Variants in EIF4G2 observed in about 807,000 individuals in gnomAD.
The protein encoded by EIF4G2 is eukaryotic translation initiation factor 4 gamma 2, also known as DAP-5.
EIF4G2 carries 8 observed loss-of-function variants against 117.7 expected under a neutral mutation model. That is an observed-to-expected ratio of 0.07 (90% confidence interval 0.04 to 0.12). EIF4G2 has a LOEUF of 0.12. EIF4G2 is among the 10% of genes least tolerant of loss of function. The probability of loss-of-function intolerance (pLI) is 1.00; values close to 1 mark genes in which losing one functional copy is unlikely to be tolerated. For missense variants in EIF4G2, 812 were observed against 1,086.2 expected (o/e 0.75, Z 3.55); for synonymous variants, 413 against 367.8 (o/e 1.12, Z -1.41).
intron 4 of EIF4G2, among the ~76,000 whole-genome samples, chr11:10,805,528 G>C (rs1479347174): frequency 1.3e-5 from 2 of 151,726 alleles, no homozygotes; most frequent in Non-Finnish European, 2.9e-5. Context: ...TCGGCTCACT[G>C]CAACCTCCAC....
chr11:10,801,848 A>G, intron 13 of EIF4G2, 74 bp from the exon 14 acceptor site: 1 of 1,410,762 alleles, frequency 7.1e-7, no homozygotes, highest in South Asian at 1.2e-5. Flanking sequence ...TACCAAAGGG[A>G]TGAGCCAAGC....
At position 10,799,322 on chromosome 11, in the gene EIF4G2, T is replaced by C. The variant is rs1162829013; in HGVS notation, c.2427A>G (p.Leu809=). 1.2e-6 allele frequency: 2 copies of C among 1,613,862 alleles called. No individual in the cohort carries two copies. The highest frequency in any genetic ancestry group is 1.1e-5 in the South Asian group (1 of 91,092). Residue 809 remains leucine, a synonymous_variant, in exon 20 of 22, where the codon CTA becomes CTG. Coordinates refer to ENST00000339995, the MANE Select transcript of EIF4G2 (RefSeq NM_001418.4). ...TCTGCATTACTGGCTTGAAAGATAG[T>C]AGTAGTTGTTTTTCCTGCTCTAACT...
Position 10,808,707 on chromosome 11 carries a change from TCACCGAGAACTCAGCAGCTGC to T in EIF4G2, c.-110_-90del. 5.3e-6 allele frequency: 1 copy of T among 189,306 alleles called. No homozygotes were observed. The highest frequency in any genetic ancestry group is 6.3e-5 in the South Asian group (1 of 15,920). 11.7% of individuals were successfully genotyped at this position (189,306 alleles called of 1,614,324 possible). On this transcript the variant is annotated 5_prime_UTR_variant, in exon 1 of 22. Transcript: ENST00000339995. ...GCGGCGGCAGCGGCTCAACTCACCTTCACCGAGAACTCAGCAGCTGCCACCGCAGCTGCCTCCTCAGGATCC... is the reference window on the plus strand; with the variant it reads ...GCGGCGGCAGCGGCTCAACTCACCTTCACCGCAGCTGCCTCCTCAGGATCC...
chr11:10,798,215 T>C (rs1490287139), intron 21 of EIF4G2, among the ~76,000 whole-genome samples: 7 of 152,190 alleles, frequency 4.6e-5, no homozygotes, highest in Non-Finnish European at 4.4e-5. Context: ...ACCACAGACC[T>C]ACTAAACCAG....
At chr11:10,807,827 G>A (rs1847629073) in intron 1 of EIF4G2, 2 of 991,086 alleles carry the variant, frequency 2.0e-6, no homozygotes, top group African/African-American at 1.7e-5. Context: ...CCTCCTCCCC[G>A]TGGAGAGCTC....
At chr11:10,801,261 G>C in intron 14 of EIF4G2, 174 bp from the exon 15 acceptor site, 1 of 759,366 alleles carries the variant, frequency 1.3e-6, no homozygotes, top group South Asian at 1.9e-5. Flanking sequence ...AAAATTTAAA[G>C]ATCTGATGCA....
intron 16 of EIF4G2, 34 bp downstream of exon 16, chr11:10,800,697 C>T (rs1446107571): frequency 1.2e-6 from 2 of 1,613,730 alleles, no homozygotes; most frequent in Admixed American, 1.7e-5. Flanking sequence ...CAAATACAGG[C>T]TAATTACACT....
At chr11:10,798,838 A>G (rs1847338198) in intron 21 of EIF4G2, 154 bp downstream of exon 21, 1 of 915,228 alleles carries the variant, frequency 1.1e-6, no homozygotes, top group Admixed American at 2.5e-5. Flanking sequence ...TTACTTAATA[A>G]TAGCTTCAAA....
intron 3 of EIF4G2, 58 bp downstream of exon 3, chr11:10,806,762 G>T: frequency 6.3e-7 from 1 of 1,582,920 alleles, no homozygotes; most frequent in Non-Finnish European, 8.7e-7. Flanking sequence ...ACCGTCACAT[G>T]GGAAAGACTT....
At chr11:10,798,088 G>A (rs910170291) in intron 21 of EIF4G2, among the ~76,000 whole-genome samples, 3 of 152,184 alleles carry the variant, frequency 2.0e-5, no homozygotes, top group Admixed American at 6.5e-5. Flanking sequence ...GATGATCCTC[G>A]TGAATCTTGT....
chr11:10,808,602 G>A lies in EIF4G2; in HGVS notation c.-87+103C>T, dbSNP rs543488434. 6 of 752,270 alleles carry A rather than the reference G, an allele frequency of 8.0e-6. No homozygotes were observed. The African/African-American group carries it at 1.2e-4, about 15-fold the overall frequency. 46.6% of individuals were successfully genotyped at this position (752,270 alleles called of 1,614,324 possible). On this transcript the variant is annotated intron_variant, in intron 1 of 21. Transcript: ENST00000339995. ...ATGCTAAAAAAGGGTCGCCCCACCC[G>A]GCTCCGCCTGCGGCCGCCATTTTGT...
chr11:10,801,475 A>G (rs766586023), intron 14 of EIF4G2, 186 bp downstream of exon 14: 56 of 754,008 alleles, frequency 7.4e-5, no homozygotes, highest in African/African-American at 6.4e-4. Context: ...ACTTGCCCTC[A>G]TATCTCATAA....
Position 10,799,693 on chromosome 11 carries a change from A to C in EIF4G2, c.2183T>G (p.Phe728Cys). The change falls in exon 19 of 22, where the codon TTC (phenylalanine) becomes TGC (cysteine). Residue 728 changes from phenylalanine (F) to cysteine (C), a missense_variant. Around this residue, in one of 4 missense-constraint regions of EIF4G2, gnomAD observed 571 missense variants for 642.3 expected, o/e 0.89. Transcript: ENST00000339995. ...TTCCTTCTCCAATTTGAGGAGTGGG[A>C]ATAAGAAACTCAGTCCCTTTCCTTC... The C allele has an allele frequency of 6.2e-7, 1 of 1,614,134 alleles. No individual in the cohort carries two copies. The highest frequency in any genetic ancestry group is 8.5e-7 in the Non-Finnish European group (1 of 1,180,018).
At chr11:10,801,303 A>T (rs1386699034) in intron 14 of EIF4G2, 2 of 646,628 alleles carry the variant, frequency 3.1e-6, no homozygotes, top group Non-Finnish European at 5.2e-6. Context: ...TAAATCTTAC[A>T]TTCTCTTAGA....
At chr11:10,804,749 TA>T (rs1847514122) in intron 5 of EIF4G2, 163 bp downstream of exon 5, 3 of 641,350 alleles carry the variant, frequency 4.7e-6, no homozygotes, top group Admixed American at 2.9e-5. Context: ...CTAATGCTAC[TA>T]AAGTCAGTGG....
In EIF4G2 at chr11:10,807,383, T is replaced by C. The variant is rs1298794921; in HGVS notation, c.-86-2A>G. 1.9e-6 allele frequency: 3 copies of C among 1,595,292 alleles called. No homozygotes were observed. Among genetic ancestry groups the C allele is most frequent in the Non-Finnish European group, 2.6e-6 (3 of 1,176,060 alleles). On this transcript the variant is annotated splice_acceptor_variant, in intron 1 of 21. Transcript: ENST00000339995. LOFTEE classifies it low-confidence loss of function (5UTR_SPLICE). ...GAGGGGACAGGAGAAATGAAATACC[T>C]GGAACGAGAAAGAGCACCAAAATTA...
At chr11:10,799,501 T>G in intron 19 of EIF4G2, 51 bp downstream of exon 19, 1 of 1,609,636 alleles carries the variant, frequency 6.2e-7, no homozygotes, top group South Asian at 1.1e-5. Flanking sequence ...CTCCTACGCT[T>G]CTTTTCCAGT....
At position 10,806,608 on chromosome 11, in the gene EIF4G2, G is replaced by A. The variant is rs1210798181; in HGVS notation, c.107+212C>T. 18 of 530,910 alleles carry A rather than the reference G, an allele frequency of 3.4e-5. No individual in the cohort carries two copies. The East Asian group carries it at 5.0e-4, about 15-fold the overall frequency. The allele number at this position is 530,910 out of a possible 1,614,324, so 32.9% of individuals were successfully genotyped here. A position where few individuals can be genotyped will look rare whatever the true frequency, so the allele number is the denominator to read the frequency against. On this transcript the variant is annotated intron_variant, in intron 3 of 21. Transcript: ENST00000339995. ...TAGTAAAAATAACCCAAAGAATAAG[G>A]AAAAAAATAACAGCTTGAGAGTCTC...
chr11:10,799,692 G>A lies in EIF4G2; in HGVS notation c.2184C>T (p.Phe728=). 2 of 1,614,116 alleles carry A rather than the reference G, an allele frequency of 1.2e-6. No homozygotes were observed. The highest frequency in any genetic ancestry group is 2.2e-5 in the South Asian group (2 of 91,076). The change falls in exon 19 of 22, where the codon TTC becomes TTT. Residue 728 remains phenylalanine, a synonymous_variant. Coordinates refer to ENST00000339995, the MANE Select transcript of EIF4G2 (RefSeq NM_001418.4). ...GTTCCTTCTCCAATTTGAGGAGTGG[G>A]AATAAGAAACTCAGTCCCTTTCCTT... is the stretch of plus-strand genomic sequence containing the variant.
Sources: gnomAD v4.1 joint callset for allele counts (sites outside exome capture counted in the v4.1 genomes callset) on GRCh38, gnomAD v4.1.1 for gene constraint, gnomAD v4.1.1 regional missense constraint, MANE v1.5 for transcripts, NCBI Gene and HGNC (gene_info 2026-07-23, HGNC 2026-07-21) for gene names.